Variants in STK31 observed in about 807,000 individuals in gnomAD.
STK31 encodes the protein serine/threonine kinase 31.
A neutral mutation model predicts 129.7 loss-of-function variants in STK31; 89 were observed. That is an observed-to-expected ratio of 0.69 (90% confidence interval 0.58 to 0.82). STK31 has a LOEUF of 0.82. Ranked by LOEUF, STK31 falls within the 40% of genes least tolerant of loss-of-function variation. The pLI is 0.00. For synonymous variants in STK31, 448 were observed against 395.3 expected (o/e 1.13, Z -1.58); for missense variants, 1,187 against 1,176.4 (o/e 1.01, Z -0.13).
intron 22 of STK31, among the ~76,000 whole-genome samples, chr7:23,801,042 G>T (rs144602218): frequency 1.3e-5 from 2 of 152,134 alleles, no homozygotes; most frequent in African/African-American, 4.8e-5. Flanking sequence ...TTATGTGAAC[G>T]TAAGTTTTTG....
At chr7:23,761,603 G>A (rs533020316) in intron 10 of STK31, among the ~76,000 whole-genome samples, 14 of 151,356 alleles carry the variant, frequency 9.2e-5, no homozygotes, top group African/African-American at 3.4e-4. Context: ...TGTATTTTTA[G>A]TAGAGATGGG....
At position 23,736,964 on chromosome 7, in the gene STK31, G is replaced by A. The variant is rs1453835469; in HGVS notation, c.903G>A (p.Lys301=). The change falls in exon 8 of 24, where the codon AAG becomes AAA. Residue 301 remains lysine, a synonymous_variant. Transcript: ENST00000355870. ...CTAACGTCAGCCTGGAAAAAATTAA[G>A]CAGGACCAGAAACTGATTGAAGAAA... is the stretch of plus-strand genomic sequence containing the variant. The part of the protein sequence containing the change: ...LGSNVSLEKI[K]QDQKLIEENE... 2.0e-5 allele frequency: 33 copies of A among 1,613,474 alleles called. No individual in the cohort carries two copies. Among genetic ancestry groups the A allele is most frequent in the African/African-American group, 2.7e-5 (2 of 74,856 alleles).
intron 23 of STK31, among the ~76,000 whole-genome samples, chr7:23,821,041 G>T (rs1225322529): frequency 6.6e-6 from 1 of 150,782 alleles, no homozygotes; most frequent in Non-Finnish European, 1.5e-5. Context: ...TTATTTTGAT[G>T]AATATCAAAT....
chr7:23,809,030 G>A (rs183346770), intron 22 of STK31, among the ~76,000 whole-genome samples: 4 of 149,726 alleles, frequency 2.7e-5, no homozygotes, highest in Non-Finnish European at 5.9e-5. Context: ...CAGAGATATA[G>A]GGGGGCAAAA....
intron 6 of STK31, among the ~76,000 whole-genome samples, chr7:23,732,347 A>T (rs6958848): frequency 0.13 from 20,357 of 152,218 alleles, 1,585 homozygotes; most frequent in Middle Eastern, 0.18. Context: ...TCTCCAGCTC[A>T]TAAGGGTTAG....
At chr7:23,717,097 C>CTTTTTTTTTTTTTTTTTTTTT (rs70956911) in intron 3 of STK31, among the ~76,000 whole-genome samples, 5 of 42,952 alleles carry the variant, frequency 1.2e-4, no homozygotes, top group Admixed American at 3.0e-4. Flanking sequence ...TCGCAACCTG[C>CTTTTTTTTTTTTTTTTTTTTT]TTTTTTTTTT....
intron 23 of STK31, among the ~76,000 whole-genome samples, chr7:23,823,286 A>G (rs1793903788): frequency 6.6e-6 from 1 of 152,108 alleles, no homozygotes. Context: ...AATGATCACC[A>G]TTCTAACTGG....
Position 23,832,312 on chromosome 7 carries a change from C to T in STK31, c.3006C>T (p.Asn1002=). 1 of 1,613,800 alleles carries T rather than the reference C, an allele frequency of 6.2e-7. No individual in the cohort carries two copies. The highest frequency in any genetic ancestry group is 8.5e-7 in the Non-Finnish European group (1 of 1,179,970). The part of the protein sequence containing the change: ...YKKEEEIKTE[N]LDKCMEKTRN... Reference sequence around the variant, plus strand: ...AGGAAGAAGAAATAAAGACGGAGAACTTGGATAAATGTATGGAGAAGACAA... The same window carrying T: ...AGGAAGAAGAAATAAAGACGGAGAATTTGGATAAATGTATGGAGAAGACAA... The change falls in exon 24 of 24, where the codon AAC becomes AAT. Residue 1002 remains asparagine (N), a synonymous_variant. Transcript: ENST00000355870.
At chr7:23,780,781 A>AC (rs1391448665) in intron 15 of STK31, among the ~76,000 whole-genome samples, 1 of 152,178 alleles carries the variant, frequency 6.6e-6, no homozygotes, top group African/African-American at 2.4e-5. Flanking sequence ...AGATCCTGAG[A>AC]CCCATAAGGA....
chr7:23,733,576 A>G (rs56189157), intron 6 of STK31, among the ~76,000 whole-genome samples: 12,025 of 151,806 alleles, frequency 0.079, 516 homozygotes, highest in East Asian at 0.13. Flanking sequence ...TGGGAGACTG[A>G]GGTGGGCGGA....
chr7:23,746,770 G>A (rs1230266255), intron 8 of STK31, among the ~76,000 whole-genome samples: 1 of 151,842 alleles, frequency 6.6e-6, no homozygotes, highest in African/African-American at 2.4e-5. Flanking sequence ...TTGTCTCACA[G>A]GTGACAGAGA....
At chr7:23,758,162 G>T (rs7807336) in intron 10 of STK31, among the ~76,000 whole-genome samples, 2 of 151,892 alleles carry the variant, frequency 1.3e-5, no homozygotes, top group African/African-American at 2.4e-5. Context: ...AGTCTGATCT[G>T]CCTTTCTTTT....
chr7:23,717,465 T>C lies in STK31; in HGVS notation c.151-16T>C. On this transcript the variant is annotated splice_polypyrimidine_tract_variant and intron_variant, in intron 3 of 23. Coordinates refer to ENST00000355870, the MANE Select transcript of STK31 (RefSeq NM_031414.5). ...TAATATTTTACTGTATCTTATACTA[T>C]ATCTAATCTTTCTAGAGTATCAATA... is the stretch of plus-strand genomic sequence containing the variant. The C allele has an allele frequency of 6.5e-7, 1 of 1,531,200 alleles. No individual in the cohort carries two copies. Among genetic ancestry groups the C allele is most frequent in the South Asian group, 1.1e-5 (1 of 87,796 alleles). 94.9% of individuals were successfully genotyped at this position (1,531,200 alleles called of 1,614,324 possible).
chr7:23,785,736 C>A, intron 18 of STK31, 133 bp downstream of exon 18: 1 of 1,158,788 alleles, frequency 8.6e-7, no homozygotes, highest in Non-Finnish European at 1.1e-6. Flanking sequence ...GATAATTGTG[C>A]TTGTAGTTTG....
intron 22 of STK31, among the ~76,000 whole-genome samples, chr7:23,806,439 C>G (rs1282342870): frequency 6.6e-6 from 1 of 152,202 alleles, no homozygotes; most frequent in Non-Finnish European, 1.5e-5. Context: ...CCCACCTTCT[C>G]TGAACCTTAG....
intron 5 of STK31, among the ~76,000 whole-genome samples, chr7:23,728,065 T>C (rs1787194837): frequency 6.7e-6 from 1 of 149,010 alleles, no homozygotes; most frequent in Non-Finnish European, 1.5e-5. Context: ...GTTTTCTTTG[T>C]GTTAAGCTTT....
At chr7:23,769,890 A>G (rs1210492214) in intron 13 of STK31, 134 bp downstream of exon 13, 13 of 522,126 alleles carry the variant, frequency 2.5e-5, no homozygotes, top group South Asian at 1.8e-4. Context: ...GCTTTCTTCT[A>G]ATAGGCTTGT....
intron 23 of STK31, among the ~76,000 whole-genome samples, chr7:23,826,039 A>G (rs1400742795): frequency 6.6e-6 from 1 of 152,132 alleles, no homozygotes; most frequent in Non-Finnish European, 1.5e-5. Flanking sequence ...ATTTTGGAAT[A>G]GGTGTGGTGT....
At chr7:23,757,253 G>T (rs1227322121) in intron 10 of STK31, among the ~76,000 whole-genome samples, 2 of 152,092 alleles carry the variant, frequency 1.3e-5, no homozygotes, top group Non-Finnish European at 2.9e-5. Context: ...TTCTCGTCAG[G>T]TGGAACGAGA....
Sources: gnomAD v4.1 joint callset for allele counts (sites outside exome capture counted in the v4.1 genomes callset) on GRCh38, gnomAD v4.1.1 for gene constraint, MANE v1.5 for transcripts, NCBI Gene and HGNC (gene_info 2026-07-23, HGNC 2026-07-21) for gene names.